The following ASTL variants were observed in gnomAD, a reference collection of about 807,000 sequenced individuals.
ASTL encodes the protein astacin-like metalloendopeptidase.
A neutral mutation model predicts 36.7 loss-of-function variants in ASTL; 27 were observed. The observed-to-expected ratio is 0.73, with a 90% CI of 0.54 to 1.01. ASTL has a LOEUF of 1.01. Ranked by LOEUF, ASTL falls within the 50% of genes least tolerant of loss-of-function variation. ASTL has a pLI of 0.00. For missense variants in ASTL, 524 were observed against 572.8 expected (o/e 0.91, Z 0.87); for synonymous variants, 222 against 228.1 (o/e 0.97, Z 0.24).
rs1274046857 is a variant in ASTL, at chr2:96,138,476, C to A, written c.-40G>T. On this transcript the variant is annotated 5_prime_UTR_variant, in exon 1 of 9. Transcript: ENST00000342380. ...GCCCCTTCAGCAAACAAGACCAAGC[C>A]CCAGCAAGACACAGTAACCTAATTG... The A allele has an allele frequency of 6.4e-7, 1 of 1,569,078 alleles. No individual in the cohort carries two copies. Among genetic ancestry groups the A allele is most frequent in the Admixed American group, 1.7e-5 (1 of 57,384 alleles).
intron 2 of ASTL, among the ~76,000 whole-genome samples, chr2:96,136,678 C>T (rs1264635797): frequency 1.3e-5 from 2 of 152,184 alleles, no homozygotes; most frequent in African/African-American, 4.8e-5. Context: ...TCTCACCCAC[C>T]CTTAGGGCAA....
rs949844339 is a variant in ASTL at position 96,132,939 on chromosome 2, G to A, written c.456-218C>T. Among the ~76,000 whole-genome samples the A allele has an allele frequency of 3.9e-5, 6 of 152,216 alleles. No individual in the cohort carries two copies. Among genetic ancestry groups the A allele is most frequent in the African/African-American group, 1.4e-4 (6 of 41,446 alleles). ...CGGACCCCCATCACCAGCCTGGGCT[G>A]CAGGGAGGCTGCAGAAACTGATATA... On this transcript the variant is annotated intron_variant, in intron 5 of 8. Transcript: ENST00000342380. The surrounding 1 kb of genome is among the most constrained non-coding windows in gnomAD (Gnocchi z 5.4).
intron 8 of ASTL, among the ~76,000 whole-genome samples, chr2:96,127,903 C>A (rs1361226514): frequency 6.6e-6 from 1 of 152,018 alleles, no homozygotes; most frequent in African/African-American, 2.4e-5. Flanking sequence ...ATGTGTAGTT[C>A]TTTATGTATT....
At position 96,124,156 on chromosome 2, in the gene ASTL, C is replaced by T. The variant is rs745754237; in HGVS notation, c.990G>A (p.Ala330=). ...GCCCTGCAGGAACGGGCTGGCCTCCCGCACTGGAACCACTGGGGTCGGGGC... is the reference window on the plus strand; with the variant it reads ...GCCCTGCAGGAACGGGCTGGCCTCCTGCACTGGAACCACTGGGGTCGGGGC... ...SRSPDPSGSS[A]GGQPVPAGPG... The change falls in exon 9 of 9, where the codon GCG becomes GCA. Residue 330 remains alanine (A), a synonymous_variant. Coordinates refer to ENST00000342380, the MANE Select transcript of ASTL (RefSeq NM_001002036.4). The surrounding 1 kb of genome is among the most constrained non-coding windows in gnomAD (Gnocchi z 4.1). 56 of 1,558,078 alleles carry T rather than the reference C, an allele frequency of 3.6e-5. No individual in the cohort carries two copies. The highest frequency in any genetic ancestry group is 1.3e-4 in the Admixed American group (7 of 52,270).
chr2:96,137,353 C>A (rs1682322377), intron 2 of ASTL, among the ~76,000 whole-genome samples: 1 of 152,170 alleles, frequency 6.6e-6, no homozygotes, highest in African/African-American at 2.4e-5. Flanking sequence ...ACCTGTAGTC[C>A]CAGCTGCTCG....
chr2:96,130,205 A>T (rs749457), intron 6 of ASTL, 60 bp from the exon 7 acceptor site: 1 of 1,364,440 alleles, frequency 7.3e-7, no homozygotes, highest in South Asian at 1.2e-5. Context: ...AAGAAAGGGC[A>T]GGCAATGGCT....
At position 96,124,051 on chromosome 2, in the gene ASTL, GGTCTGAGGCT is replaced by G; in HGVS notation, c.1085_1094del (p.Gln362ProfsTer2). 1 of 1,613,858 alleles carries G rather than the reference GGTCTGAGGCT, an allele frequency of 6.2e-7. No individual in the cohort carries two copies. On this transcript the variant is annotated frameshift_variant, in exon 9 of 9. Transcript: ENST00000342380. LOFTEE classifies it low-confidence loss of function (END_TRUNC). The surrounding 1 kb of genome is among the most constrained non-coding windows in gnomAD (Gnocchi z 4.1). ...GCCTTGATCTTGGGGAGGAAGCTAG[GGTCTGAGGCT>G]GCCTTGCCGAGGCCTCTGCACTGAG...
At chr2:96,133,361 C>T (rs1682225490) in intron 5 of ASTL, 64 bp downstream of exon 5, 7 of 1,154,896 alleles carry the variant, frequency 6.1e-6, no homozygotes, top group Admixed American at 3.4e-5. Context: ...TAGACAATGG[C>T]CAAGTTAATT....
At chr2:96,125,157 C>T (rs1389620020) in intron 8 of ASTL, among the ~76,000 whole-genome samples, 3 of 152,196 alleles carry the variant, frequency 2.0e-5, no homozygotes, top group African/African-American at 7.2e-5. Context: ...GGCTTCACAG[C>T]CCCCATGGCA....
At chr2:96,133,892 G>A in intron 4 of ASTL, 73 bp downstream of exon 4, 2 of 1,004,510 alleles carry the variant, frequency 2.0e-6, no homozygotes, top group Non-Finnish European at 1.6e-6. Context: ...AAGAGGAAAA[G>A]GGAAGAGAGG....
At chr2:96,138,504 G>A, upstream of ASTL, 3 of 1,373,964 alleles carry the variant, frequency 2.2e-6, no homozygotes, top group Non-Finnish European at 3.1e-6. Context: ...CCTAATTGCA[G>A]AACCGGCACC....
At chr2:96,129,716 A>G in intron 8 of ASTL, 108 bp downstream of exon 8, 1 of 1,142,486 alleles carries the variant, frequency 8.8e-7, no homozygotes, top group East Asian at 2.5e-5. Context: ...CCGTGATCTC[A>G]CCCTGCTCCC....
intron 8 of ASTL, among the ~76,000 whole-genome samples, chr2:96,125,624 G>C (rs967028721): frequency 5.3e-5 from 8 of 152,130 alleles, no homozygotes; most frequent in Non-Finnish European, 1.2e-4. Context: ...CAATTCCCTA[G>C]TCATGGTAGT....
At chr2:96,130,176 A>G in intron 6 of ASTL, 31 bp from the exon 7 acceptor site, 1 of 1,564,294 alleles carries the variant, frequency 6.4e-7, no homozygotes, top group South Asian at 1.1e-5. Context: ...CAACTTACTG[A>G]TATATAAAGA....
chr2:96,130,906 G>A (rs574171269), intron 6 of ASTL, among the ~76,000 whole-genome samples: 51 of 152,280 alleles, frequency 3.3e-4, no homozygotes, highest in African/African-American at 1.2e-3. Flanking sequence ...CAAATATTGA[G>A]ATGTAGTAAA....
chr2:96,132,860 G>T lies in ASTL; in HGVS notation c.456-139C>A. ...GCCCCACTCTGGGCTCTAGTCTCAG[G>T]TTCACCATTCTCCAGGCCCCTTTAC... On this transcript the variant is annotated intron_variant, in intron 5 of 8. Transcript: ENST00000342380. This position sits in a 1 kb window ranked among gnomAD's most constrained non-coding sequence, Gnocchi z 5.4. 1.3e-6 allele frequency: 1 copy of T among 751,482 alleles called. No individual in the cohort carries two copies. The highest frequency in any genetic ancestry group is 2.1e-5 in the South Asian group (1 of 47,074). 46.6% of individuals were successfully genotyped at this position (751,482 alleles called of 1,614,324 possible).
rs1288105384 is a variant in ASTL at position 96,137,689 on chromosome 2, C to T, written c.67G>A (p.Gly23Arg). 6.2e-7 allele frequency: 1 copy of T among 1,612,846 alleles called. No individual in the cohort carries two copies. Among genetic ancestry groups the T allele is most frequent in the Non-Finnish European group, 8.5e-7 (1 of 1,179,580 alleles). Residue 23 changes from glycine (G) to arginine (R), a missense_variant, in exon 2 of 9, where the codon GGA becomes AGA. Gly to Arg is a moderately radical substitution (Grantham distance 125, BLOSUM62 -2). Coordinates refer to ENST00000342380, the MANE Select transcript of ASTL (RefSeq NM_001002036.4). The part of the protein sequence containing the change: ...GLLSLPGVIL[G>R]APLASSCAGA... ...GCGCAGCTGGAGGCCAGGGGCGCTC[C>T]TAGGATCACACCTGGTCCAGACAGA...
chr2:96,133,662 A>G, intron 4 of ASTL, 120 bp from the exon 5 acceptor site: 1 of 768,230 alleles, frequency 1.3e-6, no homozygotes, highest in Non-Finnish European at 2.2e-6. Context: ...AGGGCAGCTT[A>G]GTGGTGCCAG....
At position 96,123,377 on chromosome 2, in the gene ASTL, C is replaced by G. The variant is rs1681996134; in HGVS notation, c.*473G>C. On this transcript the variant is annotated 3_prime_UTR_variant, in exon 9 of 9. Coordinates refer to ENST00000342380, the MANE Select transcript of ASTL (RefSeq NM_001002036.4). Reference sequence around the variant, plus strand: ...GCTACACTGCTGTAGAACATTCCCCCACACTTGGGCATGTTGGGTGGGATG... The same window carrying G: ...GCTACACTGCTGTAGAACATTCCCCGACACTTGGGCATGTTGGGTGGGATG... 6.6e-6 allele frequency among the ~76,000 whole-genome samples: 1 copy of G among 152,234 alleles called. No homozygotes were observed. Among genetic ancestry groups the G allele is most frequent in the Non-Finnish European group, 1.5e-5 (1 of 68,030 alleles).
Sources: gnomAD v4.1 joint callset for allele counts (sites outside exome capture counted in the v4.1 genomes callset) on GRCh38, gnomAD v4.1.1 for gene constraint, Gnocchi (gnomAD v3.1) non-coding constraint, MANE v1.5 for transcripts, NCBI Gene and HGNC (gene_info 2026-07-23, HGNC 2026-07-21) for gene names.